The following CADPS2 variants were observed in gnomAD, a reference collection of about 807,000 sequenced individuals.
CADPS2 encodes calcium dependent secretion activator 2.
In CADPS2, 93 loss-of-function variants were observed where a neutral mutation model predicts 172.5. The ratio of observed to expected loss-of-function variants is 0.54; its 90% CI spans 0.46 to 0.64. The LOEUF (loss-of-function observed/expected upper bound fraction) is 0.64. Ranked by LOEUF, CADPS2 falls within the 30% of genes least tolerant of loss-of-function variation. The pLI is 0.00. For synonymous variants in CADPS2, 546 were observed against 555.2 expected, an observed-to-expected ratio of 0.98 and a Z score of 0.23; for missense variants, 1,420 against 1,565.9, an observed-to-expected ratio of 0.91 and a Z score of 1.57.
intron 24 of CADPS2, among the ~76,000 whole-genome samples, chr7:122,385,464 G>C (rs781241729): frequency 6.6e-6 from 1 of 151,790 alleles, no homozygotes; most frequent in Admixed American, 6.6e-5. Context: ...GCTTAGATGA[G>C]AATTGTCAGC....
intron 2 of CADPS2, among the ~76,000 whole-genome samples, chr7:122,735,558 A>G (rs2092091622): frequency 6.6e-6 from 1 of 152,082 alleles, no homozygotes. Flanking sequence ...TGGCCACATC[A>G]TACTACGCTT....
intron 25 of CADPS2, among the ~76,000 whole-genome samples, chr7:122,374,910 A>T (rs2042176169): frequency 6.6e-6 from 1 of 152,198 alleles, no homozygotes; most frequent in Non-Finnish European, 1.5e-5. Context: ...CTAACAATGC[A>T]CTATTTGGAA....
At chr7:122,401,542 T>C (rs745504850) in intron 20 of CADPS2, among the ~76,000 whole-genome samples, 2 of 152,208 alleles carry the variant, frequency 1.3e-5, no homozygotes, top group African/African-American at 2.4e-5. Context: ...ATGGAAATAG[T>C]GTGCAAGGGT....
Position 122,539,747 on chromosome 7 carries a change from C to G in CADPS2, c.1475+14803G>C, listed in dbSNP as rs200310765. 1.3e-3 allele frequency among the ~76,000 whole-genome samples: 60 copies of G among 45,790 alleles called. No homozygotes were observed. The South Asian group carries it at 0.027, about 20-fold the overall frequency. 30.0% of individuals were successfully genotyped at this position (45,790 alleles called of 152,430 possible). A position where few individuals can be genotyped will look rare whatever the true frequency, so the allele number is the denominator to read the frequency against. Reference sequence around the variant, plus strand: ...TAACTCTGCCTGTCTGTCCCTCTCTCTCTGTCTCTCTCTGTCTCTGTCTCT... The same window carrying G: ...TAACTCTGCCTGTCTGTCCCTCTCTGTCTGTCTCTCTCTGTCTCTGTCTCT... On this transcript the variant is annotated intron_variant, in intron 8 of 29. Coordinates refer to ENST00000449022, the MANE Select transcript of CADPS2 (RefSeq NM_017954.11).
chr7:122,631,903 C>G (rs940642454), intron 3 of CADPS2, among the ~76,000 whole-genome samples: 1 of 152,016 alleles, frequency 6.6e-6, no homozygotes, highest in South Asian at 2.1e-4. Context: ...TATGTATATT[C>G]AATGTTTAGC....
chr7:122,819,434 C>T (rs1182703533), intron 1 of CADPS2, among the ~76,000 whole-genome samples: 2 of 152,128 alleles, frequency 1.3e-5, no homozygotes, highest in Non-Finnish European at 2.9e-5. Context: ...TAGACCATCA[C>T]GGACGCCAAG....
At chr7:122,402,865 C>T (rs567960015) in intron 20 of CADPS2, among the ~76,000 whole-genome samples, 24 of 152,138 alleles carry the variant, frequency 1.6e-4, no homozygotes, top group Non-Finnish European at 3.1e-4. Flanking sequence ...AGCTCTCTGT[C>T]CTATTACCTT....
chr7:122,644,209 C>A (rs1424212781), intron 3 of CADPS2, among the ~76,000 whole-genome samples: 1 of 152,246 alleles, frequency 6.6e-6, no homozygotes, highest in Non-Finnish European at 1.5e-5. Context: ...ACATTCGGGA[C>A]TTCCCACATT....
At chr7:122,642,876 C>G (rs2077832745) in intron 3 of CADPS2, among the ~76,000 whole-genome samples, 1 of 152,122 alleles carries the variant, frequency 6.6e-6, no homozygotes. Flanking sequence ...AGTTCTTTCA[C>G]TTAGTCCCCA....
intron 2 of CADPS2, among the ~76,000 whole-genome samples, chr7:122,724,456 T>C (rs73220302): frequency 1.3e-5 from 2 of 152,058 alleles, no homozygotes; most frequent in African/African-American, 4.8e-5. Context: ...CATGATAATA[T>C]AAATTAAGTG....
chr7:122,881,654 G>T (rs377468609), intron 1 of CADPS2, among the ~76,000 whole-genome samples: 7 of 152,112 alleles, frequency 4.6e-5, no homozygotes, highest in Non-Finnish European at 1.0e-4. Flanking sequence ...ACTATCATCA[G>T]ATCTGCTGGA....
At chr7:122,598,385 C>A (rs2072222723) in intron 6 of CADPS2, among the ~76,000 whole-genome samples, 1 of 151,812 alleles carries the variant, frequency 6.6e-6, no homozygotes, top group Non-Finnish European at 1.5e-5. Flanking sequence ...CTCCAAGAAA[C>A]CCCAAGTGAC....
chr7:122,339,357 A>G (rs2036419062), intron 28 of CADPS2, among the ~76,000 whole-genome samples: 1 of 152,144 alleles, frequency 6.6e-6, no homozygotes, highest in South Asian at 2.1e-4. Context: ...GTGTATTGTG[A>G]AAGTTCTGTT....
intron 1 of CADPS2, among the ~76,000 whole-genome samples, chr7:122,871,318 G>C (rs577317624): frequency 4.6e-5 from 7 of 151,798 alleles, no homozygotes; most frequent in Non-Finnish European, 8.8e-5. Context: ...TCAATATCAA[G>C]GATTTTCTAT....
At position 122,663,280 on chromosome 7, in the gene CADPS2, C is replaced by G. The variant is rs928463441; in HGVS notation, c.743G>C (p.Gly248Ala). The change falls in exon 3 of 30, where the codon GGT (glycine) becomes GCT (alanine). Residue 248 changes from glycine (G) to alanine (A), a missense_variant. Physicochemically the swap from Gly to Ala is moderately conservative, Grantham distance 60. Coordinates refer to ENST00000449022, the MANE Select transcript of CADPS2 (RefSeq NM_017954.11). Reference protein sequence around the residue: ...QLYEMFQQILGIKKLEHQLLY... With the variant: ...QLYEMFQQILAIKKLEHQLLY... ...GAGCTGGTGTTCCAGTTTTTTAATACCCAGAATCTGCTGAAACATTTCATA... is the reference window on the plus strand; with the variant it reads ...GAGCTGGTGTTCCAGTTTTTTAATAGCCAGAATCTGCTGAAACATTTCATA... 6.2e-7 allele frequency: 1 copy of G among 1,613,630 alleles called. No individual in the cohort carries two copies. The highest frequency in any genetic ancestry group is 1.3e-5 in the African/African-American group (1 of 74,904).
intron 7 of CADPS2, among the ~76,000 whole-genome samples, chr7:122,558,606 T>C (rs2065324925): frequency 6.6e-6 from 1 of 152,144 alleles, no homozygotes; most frequent in African/African-American, 2.4e-5. Context: ...AACCACAAAA[T>C]GGATTTTTAG....
intron 1 of CADPS2, among the ~76,000 whole-genome samples, chr7:122,787,400 T>G (rs911674818): frequency 6.6e-6 from 1 of 152,206 alleles, no homozygotes; most frequent in Non-Finnish European, 1.5e-5. Context: ...TATAAAACTT[T>G]CTGGATGATA....
chr7:122,624,439 C>T (rs2075888484), intron 4 of CADPS2, among the ~76,000 whole-genome samples: 1 of 152,160 alleles, frequency 6.6e-6, no homozygotes, highest in Non-Finnish European at 1.5e-5. Context: ...CATTAGATGA[C>T]ATCTGGGGTT....
chr7:122,497,442 AACTAT>A (rs916367207), intron 9 of CADPS2, among the ~76,000 whole-genome samples: 33 of 152,142 alleles, frequency 2.2e-4, no homozygotes, highest in African/African-American at 8.0e-4. Context: ...ACAGTATAGA[AACTAT>A]ATATTTCTTT....
Sources: allele counts gnomAD v4.1 joint callset (sites outside exome capture counted in the v4.1 genomes callset), GRCh38; gene constraint gnomAD v4.1.1; transcripts MANE v1.5; gene names NCBI Gene and HGNC (gene_info 2026-07-23, HGNC 2026-07-21).